The following PTPRD variants were observed in gnomAD, a reference collection of about 807,000 sequenced individuals.
PTPRD encodes receptor-type tyrosine-protein phosphatase delta.
A neutral mutation model predicts 214.5 loss-of-function variants in PTPRD; 34 were observed. The observed-to-expected ratio is 0.16, with a 90% CI of 0.12 to 0.21. The LOEUF is 0.21. PTPRD is among the 10% of genes least tolerant of loss of function. The probability of loss-of-function intolerance (pLI) is 1.00; values close to 1 mark genes in which losing one functional copy is unlikely to be tolerated. For synonymous variants in PTPRD, 1,128 were observed against 845.7 expected (o/e 1.33, Z -5.79); for missense variants, 2,545 against 2,398.7 (o/e 1.06, Z -1.27).
intron 36 of PTPRD, among the ~76,000 whole-genome samples, chr9:8,390,612 A>G (rs749123166): frequency 3.3e-5 from 5 of 152,188 alleles, no homozygotes; most frequent in Admixed American, 2.6e-4. Flanking sequence ...ATGACAAAAG[A>G]GTAAATAATT....
At chr9:8,898,509 A>T (rs2098638953) in intron 11 of PTPRD, among the ~76,000 whole-genome samples, 1 of 152,242 alleles carries the variant, frequency 6.6e-6, no homozygotes, top group Non-Finnish European at 1.5e-5. Context: ...TTGAATAACT[A>T]CAAAATAATA....
intron 2 of PTPRD, among the ~76,000 whole-genome samples, chr9:10,421,079 GA>G (rs2098541033): frequency 6.6e-6 from 1 of 151,742 alleles, no homozygotes; most frequent in Admixed American, 6.6e-5. Context: ...CTTAAAAAAA[GA>G]AAAGCAAAAA....
Position 10,060,871 on chromosome 9 carries a change from TC to T in PTPRD, c.-544-27082del, listed in dbSNP as rs1567406191. ...TTCCTTTCTTTCTTCCTTCCTTCTT[TC>T]CTTCCTTCCTTCCTTCCTTCCTTCC... On this transcript the variant is annotated intron_variant, in intron 3 of 45. Transcript: ENST00000381196. Among the ~76,000 whole-genome samples, 84 of 71,150 alleles carry T rather than the reference TC, an allele frequency of 1.2e-3. 3 individuals carry two copies. The highest frequency in any genetic ancestry group is 5.9e-3 in the African/African-American group (37 of 6,270). The allele number at this position is 71,150 out of a possible 152,430, so 46.7% of individuals were successfully genotyped here.
intron 12 of PTPRD, among the ~76,000 whole-genome samples, chr9:8,681,147 G>T (rs1773978520): frequency 6.6e-6 from 1 of 152,126 alleles, no homozygotes; most frequent in South Asian, 2.1e-4. Flanking sequence ...CACGCCTCAT[G>T]CCAACACATC....
intron 12 of PTPRD, among the ~76,000 whole-genome samples, chr9:8,716,072 A>G (rs56261457): frequency 2.8e-3 from 432 of 152,326 alleles, no homozygotes; most frequent in Non-Finnish European, 3.9e-3. Context: ...CCTAAGAGAA[A>G]AAAGGAGCTC....
chr9:8,352,083 A>AT (rs5896240), intron 39 of PTPRD, among the ~76,000 whole-genome samples: 116,064 of 147,302 alleles, frequency 0.79, 46,203 homozygotes, highest in East Asian at 0.91. Flanking sequence ...GCCTAATCTG[A>AT]TTTTTTTTTT....
At chr9:9,821,045 G>A (rs534956307) in intron 5 of PTPRD, among the ~76,000 whole-genome samples, 1 of 152,240 alleles carries the variant, frequency 6.6e-6, no homozygotes, top group East Asian at 1.9e-4. Context: ...GAATAGCACT[G>A]AATCTGTATA....
intron 12 of PTPRD, among the ~76,000 whole-genome samples, chr9:8,729,470 G>A (rs1037502572): frequency 3.9e-5 from 6 of 151,906 alleles, no homozygotes; most frequent in African/African-American, 1.5e-4. Flanking sequence ...TTAGCACAGT[G>A]CTTCACACGT....
Position 8,331,931 on chromosome 9 carries a change from C to CCTAAATTTATTTA in PTPRD, c.5380-208_5380-196dup, listed in dbSNP as rs1275522083. 1.9e-4 allele frequency among the ~76,000 whole-genome samples: 7 copies of CCTAAATTTATTTA among 36,988 alleles called. No individual in the cohort carries two copies. In the South Asian group the frequency reaches 0.013, roughly 67 times the overall value. The allele number at this position is 36,988 out of a possible 152,430, so 24.3% of individuals were successfully genotyped here. A position where few individuals can be genotyped will look rare whatever the true frequency, so the allele number is the denominator to read the frequency against. Reference sequence around the variant, plus strand: ...TGTCCACACTCACATACCTTTAAATCCTAAATTTATTTACTCTTGAAATCC... The same window carrying CCTAAATTTATTTA: ...TGTCCACACTCACATACCTTTAAATCCTAAATTTATTTACTAAATTTATTTACTCTTGAAATCC... On this transcript the variant is annotated intron_variant, in intron 43 of 45. Transcript: ENST00000381196.
intron 10 of PTPRD, among the ~76,000 whole-genome samples, chr9:9,165,692 T>C (rs989844601): frequency 1.3e-5 from 2 of 152,174 alleles, no homozygotes; most frequent in Non-Finnish European, 2.9e-5. Flanking sequence ...GAGATAGCAA[T>C]GTGTACATTT....
intron 4 of PTPRD, among the ~76,000 whole-genome samples, chr9:10,027,730 A>G (rs191643578): frequency 3.9e-5 from 6 of 152,328 alleles, no homozygotes; most frequent in East Asian, 3.9e-4. Flanking sequence ...ATATGCACAT[A>G]TATGTAATAG....
intron 36 of PTPRD, among the ~76,000 whole-genome samples, chr9:8,392,675 T>C (rs2089988532): frequency 6.6e-6 from 1 of 152,138 alleles, no homozygotes; most frequent in Non-Finnish European, 1.5e-5. Context: ...TGTAAGAAGG[T>C]AGTACATGGA....
chr9:9,472,874 G>T (rs1357171131), intron 8 of PTPRD, among the ~76,000 whole-genome samples: 1 of 152,058 alleles, frequency 6.6e-6, no homozygotes, highest in Admixed American at 6.6e-5. Flanking sequence ...ACAGATTTAA[G>T]GGATGCAGTG....
intron 3 of PTPRD, among the ~76,000 whole-genome samples, chr9:10,085,830 G>C (rs2098328108): frequency 6.6e-6 from 1 of 151,824 alleles, no homozygotes; most frequent in Non-Finnish European, 1.5e-5. Flanking sequence ...AGTTTCCTTA[G>C]AGGTCACCTG....
At chr9:9,602,984 A>G (rs954857628) in intron 7 of PTPRD, among the ~76,000 whole-genome samples, 2 of 152,106 alleles carry the variant, frequency 1.3e-5, no homozygotes, top group Non-Finnish European at 2.9e-5. Flanking sequence ...TTGAAAGATT[A>G]GGTTGTGTTA....
chr9:10,478,029 G>C (rs1589075562), intron 2 of PTPRD, among the ~76,000 whole-genome samples: 1 of 151,146 alleles, frequency 6.6e-6, no homozygotes, highest in Non-Finnish European at 1.5e-5. Flanking sequence ...CCTAATGCAT[G>C]TGGGGCTCTA....
At chr9:9,585,079 C>T (rs573528508) in intron 7 of PTPRD, among the ~76,000 whole-genome samples, 11 of 152,090 alleles carry the variant, frequency 7.2e-5, no homozygotes, top group African/African-American at 2.6e-4. Flanking sequence ...TTACAAGCTG[C>T]CTTCTAGTTT....
At chr9:8,926,208 T>C (rs896881593) in intron 11 of PTPRD, among the ~76,000 whole-genome samples, 3 of 152,154 alleles carry the variant, frequency 2.0e-5, no homozygotes, top group Non-Finnish European at 2.9e-5. Context: ...GCCAAGGTTT[T>C]ATCAACTCAG....
intron 4 of PTPRD, among the ~76,000 whole-genome samples, chr9:9,962,283 A>G (rs1414727268): frequency 6.6e-6 from 1 of 151,386 alleles, no homozygotes; most frequent in Admixed American, 6.6e-5. Context: ...TAAGACAACC[A>G]AATTGAGAAA....
Sources: gnomAD v4.1 joint callset for allele counts (sites outside exome capture counted in the v4.1 genomes callset) on GRCh38, gnomAD v4.1.1 for gene constraint, MANE v1.5 for transcripts, NCBI Gene and HGNC (gene_info 2026-07-23, HGNC 2026-07-21) for gene names.